The following RSRC1 variants were observed in gnomAD, a reference collection of about 807,000 sequenced individuals.
RSRC1 encodes the protein arginine and serine rich coiled-coil 1.
RSRC1 carries 39 observed loss-of-function variants against 49.1 expected under a neutral mutation model. The ratio of observed to expected loss-of-function variants is 0.79; its 90% CI spans 0.61 to 1.04. The LOEUF (loss-of-function observed/expected upper bound fraction) is 1.04. RSRC1 is among the 50% of genes least tolerant of loss of function. RSRC1 has a pLI of 0.00. For missense variants in RSRC1, 388 were observed against 402.4 expected (o/e 0.96, Z 0.31); for synonymous variants, 143 against 130.8 (o/e 1.09, Z -0.63).
At chr3:158,408,856 A>AC (rs1294895659) in intron 6 of RSRC1, among the ~76,000 whole-genome samples, 2 of 151,656 alleles carry the variant, frequency 1.3e-5, no homozygotes, top group African/African-American at 2.4e-5. Flanking sequence ...ACATGGTGAG[A>AC]CCCCCGTCTC....
chr3:158,276,349 C>T, intron 4 of RSRC1: 1 of 770,668 alleles, frequency 1.3e-6, no homozygotes, highest in Non-Finnish European at 2.4e-6. Context: ...CAGCAGCAGA[C>T]CCTCAGAAGA....
intron 3 of RSRC1, among the ~76,000 whole-genome samples, chr3:158,141,704 C>G (rs1046374572): frequency 2.0e-5 from 3 of 152,120 alleles, no homozygotes; most frequent in African/African-American, 7.2e-5. Flanking sequence ...TCAGTGTCTT[C>G]TTTGTTCCCC....
intron 6 of RSRC1, among the ~76,000 whole-genome samples, chr3:158,458,201 G>T (rs188961232): frequency 6.7e-6 from 1 of 149,008 alleles, no homozygotes; most frequent in Non-Finnish European, 1.5e-5. Context: ...AACTATGGAT[G>T]CTGACTAAGG....
At chr3:158,437,477 G>C (rs1393168791) in intron 6 of RSRC1, among the ~76,000 whole-genome samples, 1 of 152,102 alleles carries the variant, frequency 6.6e-6, no homozygotes, top group Non-Finnish European at 1.5e-5. Flanking sequence ...GATCAAGTCA[G>C]CTTCATCCCT....
rs769625603 is a variant in RSRC1 at position 158,247,725 on chromosome 3, T to G, written c.494+44480T>G. Among the ~76,000 whole-genome samples the G allele has an allele frequency of 2.6e-5, 4 of 152,172 alleles. 1 individual carries two copies. Among genetic ancestry groups the G allele is most frequent in the African/African-American group, 9.7e-5 (4 of 41,434 alleles). Reference sequence around the variant, plus strand: ...TTCCTGTACCTGGAGGTATCACCAGTGAAGGCTGCAAAAAACAAAGATGGC... The same window carrying G: ...TTCCTGTACCTGGAGGTATCACCAGGGAAGGCTGCAAAAAACAAAGATGGC... On this transcript the variant is annotated intron_variant, in intron 4 of 9. Transcript: ENST00000611884.
Position 158,120,212 on chromosome 3 carries a change from C to T in RSRC1, c.-2-1891C>T, listed in dbSNP as rs556913046. Among the ~76,000 whole-genome samples the T allele has an allele frequency of 3.3e-4, 50 of 152,214 alleles. No homozygotes were observed. In the South Asian group the frequency reaches 5.8e-3, roughly 18 times the overall value. On this transcript the variant is annotated intron_variant, in intron 1 of 9. Transcript: ENST00000611884. ...TTCATTTTTTAAATGAGGAAACTGG[C>T]TTAGATATGTAAGTGATTTACTGAA... is the stretch of plus-strand genomic sequence containing the variant.
rs557467503 is a variant in RSRC1, at chr3:158,470,629, G to A, written c.652+9626G>A. ...TGGAGAATATAGTTCAAAGAAAATG[G>A]TTTATGTAAACCTTGATTGTTTGTG... On this transcript the variant is annotated intron_variant, in intron 7 of 9. Transcript: ENST00000611884. 2.6e-5 allele frequency among the ~76,000 whole-genome samples: 4 copies of A among 152,098 alleles called. No homozygotes were observed. The East Asian group carries it at 7.7e-4, about 29-fold the overall frequency.
chr3:158,170,192 A>G (rs905875814), intron 3 of RSRC1, among the ~76,000 whole-genome samples: 1 of 151,998 alleles, frequency 6.6e-6, no homozygotes, highest in Non-Finnish European at 1.5e-5. Flanking sequence ...GAACATTATG[A>G]CCTTGCTTCT....
intron 5 of RSRC1, among the ~76,000 whole-genome samples, chr3:158,339,824 T>A (rs1485325581): frequency 1.3e-5 from 2 of 152,160 alleles, no homozygotes; most frequent in South Asian, 2.1e-4. Context: ...TTAATTAAAC[T>A]GAAAATGATA....
chr3:158,114,909 A>G (rs370914511), intron 1 of RSRC1, among the ~76,000 whole-genome samples: 1 of 152,152 alleles, frequency 6.6e-6, no homozygotes, highest in Non-Finnish European at 1.5e-5. Flanking sequence ...AGCTGAGATG[A>G]TTAGGTTTTC....
intron 5 of RSRC1, among the ~76,000 whole-genome samples, chr3:158,311,388 T>C (rs1012848595): frequency 6.6e-6 from 1 of 152,112 alleles, no homozygotes; most frequent in East Asian, 1.9e-4. Context: ...AAATATTTAT[T>C]ATGAATAGAT....
chr3:158,230,177 G>A (rs771182654), intron 4 of RSRC1, among the ~76,000 whole-genome samples: 2 of 151,886 alleles, frequency 1.3e-5, no homozygotes, highest in Non-Finnish European at 2.9e-5. Flanking sequence ...CTCAATTTGG[G>A]TTTGTCTAAT....
intron 6 of RSRC1, among the ~76,000 whole-genome samples, chr3:158,408,522 C>T (rs1468250291): frequency 6.6e-6 from 1 of 152,080 alleles, no homozygotes; most frequent in Non-Finnish European, 1.5e-5. Context: ...GGCAAATAGG[C>T]ATCGCAGAAA....
intron 6 of RSRC1, among the ~76,000 whole-genome samples, chr3:158,455,659 CTT>C (rs989441909): frequency 9.2e-5 from 14 of 152,040 alleles, no homozygotes; most frequent in African/African-American, 3.1e-4. Context: ...TGGAGGGATT[CTT>C]TTCTGAAAGG....
At chr3:158,277,100 A>G (rs984193261) in intron 4 of RSRC1, among the ~76,000 whole-genome samples, 1 of 152,204 alleles carries the variant, frequency 6.6e-6, no homozygotes, top group Non-Finnish European at 1.5e-5. Context: ...GAGAAAATAT[A>G]TGTCCACAGT....
rs931107702 is a variant in RSRC1 at position 158,323,665 on chromosome 3, A to G, written c.531+25590A>G. On this transcript the variant is annotated intron_variant, in intron 5 of 9. Coordinates refer to ENST00000611884, the MANE Select transcript of RSRC1 (RefSeq NM_001271838.2). ...CAGGAAGTAACATCCCCAAGCAAGA[A>G]GATCAAAACTTGCTGTTCTTACTAG... Among the ~76,000 whole-genome samples the G allele has an allele frequency of 2.0e-5, 3 of 152,296 alleles. No individual in the cohort carries two copies. The East Asian group carries it at 5.8e-4, about 29-fold the overall frequency.
At chr3:158,384,601 T>G (rs1472298067) in intron 6 of RSRC1, among the ~76,000 whole-genome samples, 1 of 152,118 alleles carries the variant, frequency 6.6e-6, no homozygotes, top group Non-Finnish European at 1.5e-5. Context: ...TCTTTACCAC[T>G]TCTAGACCTG....
intron 5 of RSRC1, among the ~76,000 whole-genome samples, chr3:158,306,872 T>G (rs1727866714): frequency 6.6e-6 from 1 of 151,988 alleles, no homozygotes; most frequent in Non-Finnish European, 1.5e-5. Context: ...TTTTATTTAT[T>G]TTTTGACTAA....
intron 4 of RSRC1, among the ~76,000 whole-genome samples, chr3:158,234,960 C>T (rs1203329851): frequency 6.6e-6 from 1 of 152,064 alleles, no homozygotes; most frequent in East Asian, 1.9e-4. Context: ...ATCACAGTTT[C>T]CATACATGCA....
Sources: allele counts gnomAD v4.1 joint callset (sites outside exome capture counted in the v4.1 genomes callset), GRCh38; gene constraint gnomAD v4.1.1; transcripts MANE v1.5; gene names NCBI Gene and HGNC (gene_info 2026-07-23, HGNC 2026-07-21).